The following ABLIM3 variants were observed in gnomAD, a reference collection of about 807,000 sequenced individuals.
ABLIM3 encodes the protein actin binding LIM protein family member 3.
A neutral mutation model predicts 109.5 loss-of-function variants in ABLIM3; 61 were observed. The ratio of observed to expected loss-of-function variants is 0.56; its 90% CI spans 0.45 to 0.69. ABLIM3 has a LOEUF of 0.69. Among genes scored for constraint, ABLIM3 ranks in the 30% least tolerant of loss-of-function variants. ABLIM3 has a pLI of 0.00. For synonymous variants in ABLIM3, 300 were observed against 324.8 expected, an observed-to-expected ratio of 0.92 and a Z score of 0.82; for missense variants, 796 against 889.5, an observed-to-expected ratio of 0.89 and a Z score of 1.34.
At chr5:149,195,939 G>A (rs1490035816) in intron 3 of ABLIM3, among the ~76,000 whole-genome samples, 3 of 152,212 alleles carry the variant, frequency 2.0e-5, no homozygotes, top group Admixed American at 1.3e-4. Flanking sequence ...TATAGTAAGC[G>A]CTAAAGGAAG....
At chr5:149,220,935 A>C (rs1296970101) in intron 8 of ABLIM3, 1 of 152,142 alleles carries the variant, frequency 6.6e-6, no homozygotes, top group Non-Finnish European at 1.5e-5. Context: ...GGTGGAGTTC[A>C]CTCTCTGGAA....
In ABLIM3 at chr5:149,249,840, C is replaced by T; in HGVS notation, c.1725C>T (p.Asp575=). The T allele has an allele frequency of 6.2e-7, 1 of 1,614,200 alleles. No individual in the cohort carries two copies. Among genetic ancestry groups the T allele is most frequent in the Non-Finnish European group, 8.5e-7 (1 of 1,180,020 alleles). ...CCCCTCGGTCGCACTACCTGGCTGA[C>T]AGTGGTAAGTTCTACCTGCCCTACC... ...NGSPRSHYLA[D]SDPLISKSAS... The change falls in exon 19 of 24, where the codon GAC becomes GAT. Residue 575 remains aspartate (D), a synonymous_variant. Coordinates refer to ENST00000309868, the MANE Select transcript of ABLIM3 (RefSeq NM_014945.5).
At chr5:149,244,207 G>A (rs1753126633) in intron 15 of ABLIM3, 1 of 152,914 alleles carries the variant, frequency 6.5e-6, no homozygotes, top group South Asian at 2.1e-4. Flanking sequence ...CCCTGTCCTG[G>A]GCTTACTTCA....
chr5:149,183,467 A>G lies in ABLIM3; in HGVS notation c.29A>G (p.Asn10Ser). MNTSIPYQQ[N>S]PYNPRGSSNV... Reference sequence around the variant, plus strand: ...TCTTTTACAGTTCCTTATCAGCAGAATCCTTACAATCCACGGGGCAGCTCC... The same window carrying G: ...TCTTTTACAGTTCCTTATCAGCAGAGTCCTTACAATCCACGGGGCAGCTCC... The change falls in exon 3 of 24, where the codon AAT becomes AGT. Residue 10 changes from asparagine (N) to serine (S), a missense_variant. By Grantham distance (46) the Asn-to-Ser change is conservative. Transcript: ENST00000309868. 1 of 1,567,498 alleles carries G rather than the reference A, an allele frequency of 6.4e-7. No individual in the cohort carries two copies. The highest frequency in any genetic ancestry group is 8.6e-7 in the Non-Finnish European group (1 of 1,158,598).
intron 2 of ABLIM3, among the ~76,000 whole-genome samples, chr5:149,170,774 G>A (rs767460719): frequency 9.9e-5 from 15 of 152,152 alleles, no homozygotes; most frequent in Admixed American, 5.9e-4. Flanking sequence ...TGGAATGTTC[G>A]TCCGTTGATT....
intron 8 of ABLIM3, among the ~76,000 whole-genome samples, chr5:149,222,824 C>T (rs1287962931): frequency 6.6e-6 from 1 of 151,984 alleles, no homozygotes; most frequent in Non-Finnish European, 1.5e-5. Flanking sequence ...AACGCCAGCC[C>T]TCAGTCATCA....
intron 3 of ABLIM3, among the ~76,000 whole-genome samples, chr5:149,190,326 G>A (rs1415547415): frequency 6.6e-6 from 1 of 152,266 alleles, no homozygotes; most frequent in Non-Finnish European, 1.5e-5. Context: ...GCTAAAAAAT[G>A]GTTGAATTGT....
chr5:149,253,617 AG>A (rs1292705153), intron 23 of ABLIM3, among the ~76,000 whole-genome samples: 2 of 152,234 alleles, frequency 1.3e-5, no homozygotes, highest in African/African-American at 4.8e-5. Context: ...GGAAGGATGT[AG>A]ACGGACTAGA....
At position 149,259,747 on chromosome 5, in the gene ABLIM3, G is replaced by A; in HGVS notation, c.*1343G>A. ...TTGGTGGGGGCTGTTCCTTCTTGGA[G>A]AAGCCTTGAGTCGGACCATTTTGAG... On this transcript the variant is annotated 3_prime_UTR_variant, in exon 24 of 24. Transcript: ENST00000309868. 2.8e-6 allele frequency: 2 copies of A among 721,418 alleles called. No individual in the cohort carries two copies. Among genetic ancestry groups the A allele is most frequent in the Non-Finnish European group, 2.3e-6 (1 of 438,436 alleles). 44.7% of individuals were successfully genotyped at this position (721,418 alleles called of 1,614,324 possible).
At chr5:149,237,664 C>T (rs1183924469) in intron 11 of ABLIM3, 61 bp downstream of exon 11, 1 of 1,596,020 alleles carries the variant, frequency 6.3e-7, no homozygotes, top group African/African-American at 1.3e-5. Context: ...TCTGGGGTCC[C>T]CAGCCCTCTC....
At chr5:149,233,591 T>C (rs368742345) in intron 10 of ABLIM3, among the ~76,000 whole-genome samples, 1 of 152,172 alleles carries the variant, frequency 6.6e-6, no homozygotes, top group Non-Finnish European at 1.5e-5. Context: ...CTTGCTGAGT[T>C]CTAAAACCAA....
rs1472811852 is a variant in ABLIM3, at chr5:149,259,728, G to A, written c.*1324G>A. ...CACCTTGAATGGGTAATGTTTGGTG[G>A]GGGCTGTTCCTTCTTGGAGAAGCCT... On this transcript the variant is annotated 3_prime_UTR_variant, in exon 24 of 24. Transcript: ENST00000309868. 5.8e-6 allele frequency: 5 copies of A among 855,236 alleles called. No individual in the cohort carries two copies. Among genetic ancestry groups the A allele is most frequent in the Non-Finnish European group, 9.0e-6 (5 of 553,312 alleles). The allele number at this position is 855,236 out of a possible 1,614,324, so 53.0% of individuals were successfully genotyped here.
chr5:149,171,579 A>G (rs1755435325), intron 2 of ABLIM3, among the ~76,000 whole-genome samples: 1 of 152,204 alleles, frequency 6.6e-6, no homozygotes, highest in African/African-American at 2.4e-5. Flanking sequence ...AGGTGACATA[A>G]GCTTTCCCAT....
Position 149,246,573 on chromosome 5 carries a change from T to C in ABLIM3, c.1551+27T>C. On this transcript the variant is annotated intron_variant, in intron 17 of 23. Transcript: ENST00000309868. ...TGGGCAGAGACCACAGCACTGAATA[T>C]GATGCTTAGAGCGTATATCACTGAG... 1.9e-6 allele frequency: 3 copies of C among 1,613,092 alleles called. No homozygotes were observed. In the South Asian group the frequency reaches 3.3e-5, roughly 18 times the overall value.
At chr5:149,247,070 A>C (rs1304984141) in intron 17 of ABLIM3, among the ~76,000 whole-genome samples, 1 of 152,282 alleles carries the variant, frequency 6.6e-6, no homozygotes, top group Non-Finnish European at 1.5e-5. Flanking sequence ...CAGCTCATGA[A>C]TAGGACAAAA....
intron 8 of ABLIM3, chr5:149,219,886 C>G (rs932300394): frequency 2.2e-4 from 34 of 152,204 alleles, no homozygotes; most frequent in African/African-American, 8.2e-4. Flanking sequence ...CTAGAATAAA[C>G]CACGTCTTTG....
At chr5:149,250,262 G>C (rs1338923404) in intron 19 of ABLIM3, among the ~76,000 whole-genome samples, 185 bp from the exon 20 acceptor site, 1 of 152,182 alleles carries the variant, frequency 6.6e-6, no homozygotes, top group Non-Finnish European at 1.5e-5. Flanking sequence ...TTCTGCTAGA[G>C]TGAAATGCCC....
intron 8 of ABLIM3, among the ~76,000 whole-genome samples, chr5:149,227,804 A>G (rs1477160411): frequency 1.3e-5 from 2 of 152,210 alleles, no homozygotes; most frequent in African/African-American, 4.8e-5. Context: ...TCTGGGCCCA[A>G]GTTAGAGAAG....
At chr5:149,228,155 C>T (rs552600402) in intron 8 of ABLIM3, among the ~76,000 whole-genome samples, 1 of 152,324 alleles carries the variant, frequency 6.6e-6, no homozygotes, top group East Asian at 1.9e-4. Context: ...CAAGGGCTTA[C>T]TGTCAGTTGA....
Sources: allele counts gnomAD v4.1 joint callset (sites outside exome capture counted in the v4.1 genomes callset), GRCh38; gene constraint gnomAD v4.1.1; transcripts MANE v1.5; gene names NCBI Gene and HGNC (gene_info 2026-07-23, HGNC 2026-07-21).